The following XKRX variants were observed in gnomAD, a reference collection of about 807,000 sequenced individuals.
The protein encoded by XKRX is XK-related protein 2.
A neutral mutation model predicts 22.4 loss-of-function variants in XKRX; 11 were observed. The ratio of observed to expected loss-of-function variants is 0.49; its 90% confidence interval spans 0.31 to 0.81. The LOEUF (loss-of-function observed/expected upper bound fraction) is 0.81. XKRX is among the 40% of genes least tolerant of loss of function. The pLI is 0.05. For missense variants in XKRX, 320 were observed against 336.5 expected (o/e 0.95, Z 0.38); for synonymous variants, 114 against 132.2 (o/e 0.86, Z 0.94).
the XKRX span, among the ~76,000 whole-genome samples, chrX:100,940,257 C>T: frequency 9.0e-6 from 1 of 111,612 alleles, no homozygotes; most frequent in African/African-American, 3.3e-5. Context: ...GAAGTTGAAA[C>T]GCAGAAAAGT....
At chrX:100,893,385 C>T in the XKRX span, among the ~76,000 whole-genome samples, 1 of 111,645 alleles carries the variant, frequency 9.0e-6, no homozygotes, top group Admixed American at 9.5e-5. Context: ...AGTACAACCT[C>T]TACAAAAAAA....
chrX:100,895,410 G>T, the XKRX span, among the ~76,000 whole-genome samples: 3 of 112,372 alleles, frequency 2.7e-5, no homozygotes, highest in African/African-American at 9.7e-5. Context: ...TCACACAGCT[G>T]GTACTGAAGC....
intron 2 of XKRX, among the ~76,000 whole-genome samples, chrX:100,916,815 A>T (rs1167756968): frequency 8.9e-6 from 1 of 112,412 alleles, no homozygotes. Flanking sequence ...GAGATTAGAG[A>T]GGTGCATAAA....
At chrX:100,950,527 C>A in the XKRX span, among the ~76,000 whole-genome samples, 228 of 112,074 alleles carry the variant, frequency 2.0e-3, 2 homozygotes, top group African/African-American at 7.2e-3. Context: ...CCACCATCAA[C>A]CATCAAGGTC....
At chrX:100,917,656 A>AG (rs1491300085) in intron 2 of XKRX, among the ~76,000 whole-genome samples, 2 of 60,608 alleles carry the variant, frequency 3.3e-5, no homozygotes, top group African/African-American at 1.7e-4. Context: ...AAAGAAAGAA[A>AG]GAAAGAAAGA....
chrX:100,919,512 C>G (rs184678129), intron 2 of XKRX, among the ~76,000 whole-genome samples: 1 of 110,800 alleles, frequency 9.0e-6, no homozygotes, highest in Admixed American at 9.6e-5. Context: ...TACATATTCA[C>G]AGCAGAGAAA....
At chrX:100,948,957 G>T in the XKRX span, among the ~76,000 whole-genome samples, 1 of 112,532 alleles carries the variant, frequency 8.9e-6, no homozygotes, top group Non-Finnish European at 1.9e-5. Flanking sequence ...CCTCCATTCC[G>T]CATTCCCCCA....
Position 100,914,667 on chromosome X carries a change from C to T in XKRX, c.1021G>A (p.Asp341Asn), listed in dbSNP as rs566350933. ...QLRLADRDLVDKGQNWGHMGL... is the reference protein window; with the variant it reads ...QLRLADRDLVNKGQNWGHMGL... ...ATATGTCCCCAGTTCTGCCCTTTGT[C>T]GACGAGATCTCTGTCTGCCAACCTC... is the stretch of plus-strand genomic sequence containing the variant. The change falls in exon 3 of 3, where the codon GAC becomes AAC. Residue 341 changes from aspartate to asparagine, a missense_variant. By Grantham distance (23) the Asp-to-Asn change is conservative. Coordinates refer to ENST00000372956, the MANE Select transcript of XKRX (RefSeq NM_212559.3). 3.9e-5 allele frequency: 47 copies of T among 1,210,132 alleles called. No individual in the cohort carries two copies. In the South Asian group the frequency reaches 7.6e-4, roughly 20 times the overall value.
the XKRX span, among the ~76,000 whole-genome samples, chrX:100,899,267 C>A: frequency 8.8e-6 from 1 of 113,065 alleles, no homozygotes; most frequent in Non-Finnish European, 1.9e-5. Flanking sequence ...GTAATCCCAG[C>A]ACTCTGGGAG....
chrX:100,949,081 C>A, the XKRX span, among the ~76,000 whole-genome samples: 1 of 112,604 alleles, frequency 8.9e-6, no homozygotes, highest in Admixed American at 9.4e-5. Flanking sequence ...TGTCAGTCGA[C>A]AAGGCCCGAC....
At chrX:100,921,979 G>A (rs5920874) in intron 2 of XKRX, among the ~76,000 whole-genome samples, 21,242 of 107,060 alleles carry the variant, frequency 0.2, 1,911 homozygotes, top group African/African-American at 0.31. Flanking sequence ...GACTACAGGC[G>A]CCTGCCACCA....
the XKRX span, among the ~76,000 whole-genome samples, chrX:100,907,968 T>C: frequency 1.3e-4 from 15 of 112,168 alleles, no homozygotes; most frequent in African/African-American, 3.2e-4. Context: ...CCTTGGTGAA[T>C]TGAATGTTAA....
chrX:100,896,582 A>G, the XKRX span, among the ~76,000 whole-genome samples: 1 of 112,265 alleles, frequency 8.9e-6, no homozygotes, highest in East Asian at 2.8e-4. Context: ...TGGGGGAAGG[A>G]GGGAACAGGA....
rs1211269901 is a variant in XKRX at position 100,914,363 on chromosome X, G to A, written c.1325C>T (p.Thr442Ile). The change falls in exon 3 of 3, where the codon ACT becomes ATT. Residue 442 changes from threonine to isoleucine, a missense_variant. Coordinates refer to ENST00000372956, the MANE Select transcript of XKRX (RefSeq NM_212559.3). ...TCAGACAACACTTTGCCTTGCTTCA[G>A]TCTCAAAGGGTGGCTCTGAGTTCTC... ...RVENSEPPFE[T>I]EARQSVV is the part of the protein sequence containing the mutation. 8 of 1,209,419 alleles carry A rather than the reference G, an allele frequency of 6.6e-6. No homozygotes were observed. The highest frequency in any genetic ancestry group is 6.7e-6 in the Non-Finnish European group (6 of 894,832).
chrX:100,898,104 A>G, the XKRX span, among the ~76,000 whole-genome samples: 1 of 111,941 alleles, frequency 8.9e-6, no homozygotes, highest in African/African-American at 3.2e-5. Flanking sequence ...AACTGTCAGA[A>G]GCAACTTTCA....
chrX:100,887,976 C>T, the XKRX span: 1 of 1,054,869 alleles, frequency 9.5e-7, no homozygotes, highest in Non-Finnish European at 1.3e-6. Flanking sequence ...GAAACCACCT[C>T]CACAACCACC....
At chrX:100,939,495 T>A in the XKRX span, among the ~76,000 whole-genome samples, 1 of 111,530 alleles carries the variant, frequency 9.0e-6, no homozygotes, top group African/African-American at 3.3e-5. Flanking sequence ...ATCTTGAGAG[T>A]TGCTTCAGGC....
the XKRX span, among the ~76,000 whole-genome samples, chrX:100,895,796 G>A: frequency 2.7e-5 from 3 of 111,754 alleles, no homozygotes; most frequent in Non-Finnish European, 3.8e-5. Context: ...CAGGTTCATG[G>A]GCGAGATCAC....
the XKRX span, among the ~76,000 whole-genome samples, chrX:100,905,669 C>A: frequency 7.2e-5 from 8 of 111,593 alleles, no homozygotes; most frequent in African/African-American, 2.6e-4. Flanking sequence ...ACATATGATT[C>A]TCAAAATAAA....
Sources: gnomAD v4.1 joint callset for allele counts (sites outside exome capture counted in the v4.1 genomes callset) on GRCh38, gnomAD v4.1.1 for gene constraint, MANE v1.5 for transcripts, NCBI Gene and HGNC (gene_info 2026-07-23, HGNC 2026-07-21) for gene names.